The following PRKX variants were observed in gnomAD, a reference collection of about 807,000 sequenced individuals.
PRKX encodes cAMP-dependent protein kinase catalytic subunit PRKX.
A neutral mutation model predicts 22.0 loss-of-function variants in PRKX; 12 were observed. The observed-to-expected ratio is 0.54, with a 90% CI of 0.35 to 0.88. The LOEUF is 0.88. Among genes scored for constraint, PRKX ranks in the 40% least tolerant of loss-of-function variants. PRKX has a pLI of 0.01. For synonymous variants in PRKX, 134 were observed against 137.7 expected, an observed-to-expected ratio of 0.97 and a Z score of 0.19; for missense variants, 217 against 308.0, an observed-to-expected ratio of 0.70 and a Z score of 2.21.
intron 3 of PRKX, among the ~76,000 whole-genome samples, chrX:3,652,901 G>A (rs180744263): frequency 8.5e-4 from 94 of 110,729 alleles, no homozygotes; most frequent in African/African-American, 3.0e-3. Context: ...AGGAGACAGC[G>A]TCTCCAAGCC....
chrX:3,646,038 T>C (rs1343349849), intron 3 of PRKX, among the ~76,000 whole-genome samples: 1 of 112,267 alleles, frequency 8.9e-6, no homozygotes, highest in Non-Finnish European at 1.9e-5. Context: ...TTCATGCCTA[T>C]AATCCCAACA....
At chrX:3,706,674 T>C (rs1472688372) in intron 1 of PRKX, among the ~76,000 whole-genome samples, 1 of 112,000 alleles carries the variant, frequency 8.9e-6, no homozygotes, top group Non-Finnish European at 1.9e-5. Flanking sequence ...GAGTTTAACG[T>C]CTCCCTTCTT....
In PRKX at chrX:3,674,774, G is replaced by A. The variant is rs1237135878; in HGVS notation, c.167-8C>T. 8.3e-7 allele frequency: 1 copy of A among 1,209,696 alleles called. No individual in the cohort carries two copies. The highest frequency in any genetic ancestry group is 1.1e-6 in the Non-Finnish European group (1 of 893,428). On this transcript the variant is annotated splice_polypyrimidine_tract_variant and splice_region_variant and intron_variant, in intron 1 of 8. Transcript: ENST00000262848. Reference sequence around the variant, plus strand: ...GCCCGAACGTCCCAGTGCCTGGAGAGAGAAGAAATCGACAGAGGTCATTAA... The same window carrying A: ...GCCCGAACGTCCCAGTGCCTGGAGAAAGAAGAAATCGACAGAGGTCATTAA...
intron 6 of PRKX, among the ~76,000 whole-genome samples, chrX:3,618,564 A>G (rs952367215): frequency 1.8e-5 from 2 of 111,915 alleles, no homozygotes; most frequent in Non-Finnish European, 1.9e-5. Flanking sequence ...CAATGGGTAC[A>G]TATTTCAAAA....
rs376716782 is a variant in PRKX at position 3,640,060 on chromosome X, T to C, written c.719+1792A>G. On this transcript the variant is annotated intron_variant, in intron 4 of 8. Transcript: ENST00000262848. ...AAGGGAAGGTTCCCCAGTAAAACTC[T>C]GGTCTTTACCCCCTGCAGGGAATCA... 3.6e-5 allele frequency among the ~76,000 whole-genome samples: 4 copies of C among 111,076 alleles called. No homozygotes were observed. In the East Asian group the frequency reaches 8.6e-4, roughly 24 times the overall value.
intron 4 of PRKX, among the ~76,000 whole-genome samples, chrX:3,638,816 G>A (rs1028644562): frequency 1.0e-4 from 11 of 108,449 alleles, no homozygotes; most frequent in African/African-American, 3.7e-4. Context: ...GGATAGGTAG[G>A]GAGGTAAACA....
intron 1 of PRKX, among the ~76,000 whole-genome samples, chrX:3,680,551 T>C (rs1321605376): frequency 1.8e-5 from 2 of 112,097 alleles, no homozygotes; most frequent in Admixed American, 9.5e-5. Context: ...AAAAATGCCA[T>C]GGGCATCTTC....
chrX:3,659,197 G>A (rs188510962), intron 2 of PRKX, among the ~76,000 whole-genome samples: 18 of 108,228 alleles, frequency 1.7e-4, no homozygotes, highest in African/African-American at 1.7e-4. Flanking sequence ...GCTGCAGTGA[G>A]CTATGATCAC....
chrX:3,689,730 C>A (rs1228356883), intron 1 of PRKX, among the ~76,000 whole-genome samples: 1 of 111,785 alleles, frequency 8.9e-6, no homozygotes. Flanking sequence ...GTAATCCCAA[C>A]ACTTTGGGAG....
rs950082125 is a variant in PRKX, at chrX:3,690,600, C to A, written c.167-15834G>T. 1.7e-4 allele frequency among the ~76,000 whole-genome samples: 19 copies of A among 111,580 alleles called. No homozygotes were observed. In the Admixed American group the frequency reaches 1.8e-3, roughly 11 times the overall value. ...CACAAAAAACAGCCAGGCATGGTGGCATGCGACTATAGTCCCAGCTACTTG... is the reference window on the plus strand; with the variant it reads ...CACAAAAAACAGCCAGGCATGGTGGAATGCGACTATAGTCCCAGCTACTTG... On this transcript the variant is annotated intron_variant, in intron 1 of 8. Transcript: ENST00000262848.
At chrX:3,686,268 C>A (rs1272016550) in intron 1 of PRKX, among the ~76,000 whole-genome samples, 1 of 111,448 alleles carries the variant, frequency 9.0e-6, no homozygotes, top group Non-Finnish European at 1.9e-5. Flanking sequence ...CCCAACTCAG[C>A]TCCTTTATTC....
At chrX:3,653,281 G>A (rs1005685366) in intron 3 of PRKX, among the ~76,000 whole-genome samples, 19 of 110,256 alleles carry the variant, frequency 1.7e-4, no homozygotes, top group African/African-American at 5.3e-4. Context: ...AGGACACAGC[G>A]AGAAGGCGCC....
chrX:3,651,825 T>C (rs1310763404), intron 3 of PRKX, among the ~76,000 whole-genome samples: 3 of 111,844 alleles, frequency 2.7e-5, no homozygotes, highest in Admixed American at 9.5e-5. Flanking sequence ...CCGATAGCCA[T>C]GTGCAATCCT....
At chrX:3,648,633 T>TGTGTGTGTGTGTGTGCGC (rs1555894777) in intron 3 of PRKX, among the ~76,000 whole-genome samples, 1 of 105,472 alleles carries the variant, frequency 9.5e-6, no homozygotes, top group African/African-American at 3.5e-5. Context: ...TGTGTGTGTG[T>TGTGTGTGTGTGTGTGCGC]GTGTGTGTGT....
chrX:3,623,360 G>A (rs1461650474), intron 5 of PRKX, among the ~76,000 whole-genome samples: 1 of 110,570 alleles, frequency 9.0e-6, no homozygotes, highest in Non-Finnish European at 1.9e-5. Context: ...TTCGAAACCA[G>A]CATGGGCAAC....
chrX:3,660,893 G>A (rs373196330), intron 2 of PRKX, among the ~76,000 whole-genome samples: 5 of 110,017 alleles, frequency 4.5e-5, no homozygotes, highest in Admixed American at 2.0e-4. Flanking sequence ...GAAGGGACGA[G>A]GAGAGGAGGG....
chrX:3,677,487 C>T (rs1399040352), intron 1 of PRKX, among the ~76,000 whole-genome samples: 3 of 107,130 alleles, frequency 2.8e-5, no homozygotes, highest in Non-Finnish European at 3.8e-5. Flanking sequence ...CCACCAAGGG[C>T]GGATAATTTT....
At chrX:3,698,020 C>T (rs1384108425) in intron 1 of PRKX, among the ~76,000 whole-genome samples, 1 of 112,195 alleles carries the variant, frequency 8.9e-6, no homozygotes, top group Non-Finnish European at 1.9e-5. Flanking sequence ...AACAAGAACA[C>T]CAGGCAGCCA....
In PRKX at chrX:3,607,977, G is replaced by C. The variant is rs1396655547; in HGVS notation, c.*992C>G. Reference sequence around the variant, plus strand: ...ATCACTGCGGCCTGGACCTCCCCAGGCTCAAGTGATCCTCTCATCTCAGCC... The same window carrying C: ...ATCACTGCGGCCTGGACCTCCCCAGCCTCAAGTGATCCTCTCATCTCAGCC... On this transcript the variant is annotated 3_prime_UTR_variant, in exon 9 of 9. Transcript: ENST00000262848. 1 of 103,924 alleles carries C rather than the reference G, an allele frequency of 9.6e-6. No homozygotes were observed. The highest frequency in any genetic ancestry group is 2.0e-5 in the Non-Finnish European group (1 of 51,037). 8.6% of individuals were successfully genotyped at this position (103,924 alleles called of 1,213,427 possible). A position where few individuals can be genotyped will look rare whatever the true frequency, so the allele number is the denominator to read the frequency against.
Sources: allele counts gnomAD v4.1 joint callset (sites outside exome capture counted in the v4.1 genomes callset), GRCh38; gene constraint gnomAD v4.1.1; transcripts MANE v1.5; gene names NCBI Gene and HGNC (gene_info 2026-07-23, HGNC 2026-07-21).